FANK1: variants seen among roughly 807,000 people sequenced by gnomAD.
FANK1 encodes the protein fibronectin type III and ankyrin repeat domains 1.
A neutral mutation model predicts 45.3 loss-of-function variants in FANK1; 44 were observed. The observed-to-expected ratio is 0.97, with a 90% CI of 0.76 to 1.25. FANK1 has a LOEUF of 1.25. Among genes scored for constraint, FANK1 ranks in the 50% most tolerant of loss-of-function variants. FANK1 has a pLI of 0.00. For missense variants in FANK1, 391 were observed against 424.4 expected, an observed-to-expected ratio of 0.92 and a Z score of 0.69; for synonymous variants, 149 against 152.5, an observed-to-expected ratio of 0.98 and a Z score of 0.17.
chr10:125,903,752 C>A (rs1945250586), intron 1 of FANK1, among the ~76,000 whole-genome samples: 1 of 151,988 alleles, frequency 6.6e-6, no homozygotes, highest in Non-Finnish European at 1.5e-5. Context: ...AAGTAATTCA[C>A]CCTAAATTGA....
intron 1 of FANK1, among the ~76,000 whole-genome samples, chr10:125,949,612 A>C (rs958992712): frequency 0.017 from 2,435 of 141,582 alleles, 83 homozygotes; most frequent in African/African-American, 0.059. Flanking sequence ...AGGAAATAAA[A>C]GAGGATACAA....
At chr10:125,970,213 G>T (rs962218284) in intron 1 of FANK1, among the ~76,000 whole-genome samples, 1 of 151,900 alleles carries the variant, frequency 6.6e-6, no homozygotes, top group African/African-American at 2.4e-5. Flanking sequence ...GGGCAGAGGG[G>T]CCCCCCACCC....
chr10:125,937,914 G>A (rs1431918369), intron 1 of FANK1, among the ~76,000 whole-genome samples: 1 of 152,100 alleles, frequency 6.6e-6, no homozygotes, highest in East Asian at 1.9e-4. Context: ...CCACGCTAAT[G>A]TTGTACCGAT....
At chr10:125,966,191 A>C (rs181683119) in intron 1 of FANK1, among the ~76,000 whole-genome samples, 9 of 152,318 alleles carry the variant, frequency 5.9e-5, no homozygotes, top group African/African-American at 2.2e-4. Context: ...GAGGAAAGCA[A>C]CTTTTGGGCA....
chr10:125,948,822 G>A (rs1948999213), intron 1 of FANK1, among the ~76,000 whole-genome samples: 1 of 149,252 alleles, frequency 6.7e-6, no homozygotes, highest in Non-Finnish European at 1.5e-5. Flanking sequence ...CCAAAAAAGA[G>A]AATTTTAGAC....
chr10:126,003,157 G>C (rs924551299), intron 6 of FANK1, among the ~76,000 whole-genome samples: 1 of 149,860 alleles, frequency 6.7e-6, no homozygotes, highest in East Asian at 2.0e-4. Context: ...GAGCAGACCA[G>C]TTATCTTATA....
At chr10:125,940,908 T>C (rs1948414195) in intron 1 of FANK1, among the ~76,000 whole-genome samples, 1 of 152,234 alleles carries the variant, frequency 6.6e-6, no homozygotes, top group South Asian at 2.1e-4. Flanking sequence ...CCTTAAACCT[T>C]GATTCCACAC....
chr10:125,978,384 G>A (rs529256448), intron 1 of FANK1, among the ~76,000 whole-genome samples: 6 of 152,152 alleles, frequency 3.9e-5, no homozygotes, highest in East Asian at 1.9e-4. Flanking sequence ...GCCCCTGATC[G>A]CCTCGGATAC....
At chr10:125,924,228 TTGTC>T (rs1421659414) in intron 1 of FANK1, among the ~76,000 whole-genome samples, 10 of 152,330 alleles carry the variant, frequency 6.6e-5, no homozygotes, top group African/African-American at 2.4e-4. Context: ...AACTTGTTCT[TTGTC>T]TGATTTATTG....
chr10:125,942,262 A>G (rs576529461), intron 1 of FANK1, among the ~76,000 whole-genome samples: 1 of 152,350 alleles, frequency 6.6e-6, no homozygotes, highest in Non-Finnish European at 1.5e-5. Flanking sequence ...CTTGAACAAA[A>G]AGTCACAATT....
intron 1 of FANK1, among the ~76,000 whole-genome samples, chr10:125,965,120 A>C (rs373124605): frequency 1.3e-5 from 2 of 152,266 alleles, no homozygotes; most frequent in African/African-American, 4.8e-5. Flanking sequence ...CCAAGATTGC[A>C]CTCCAGCCTG....
At chr10:125,984,412 A>G (rs1289917356) in intron 2 of FANK1, among the ~76,000 whole-genome samples, 3 of 152,210 alleles carry the variant, frequency 2.0e-5, no homozygotes, top group Admixed American at 6.5e-5. Context: ...GGGGAGGTAG[A>G]TAGAATCCTT....
rs141450353 is a variant in FANK1 at position 125,999,133 on chromosome 10, A to G, written c.539+1648A>G. 2.8e-4 allele frequency among the ~76,000 whole-genome samples: 43 copies of G among 152,294 alleles called. No individual in the cohort carries two copies. The East Asian group carries it at 6.0e-3, about 21-fold the overall frequency. ...TTTCCATCAGTCGATTAAAGGTGAA[A>G]ACCTTTATTTGTGTAGATGCAAAAC... On this transcript the variant is annotated intron_variant, in intron 6 of 10. Transcript: ENST00000368693.
At chr10:126,008,924 C>T (rs1953442989) in intron 8 of FANK1, 130 bp from the exon 9 acceptor site, 24 of 815,396 alleles carry the variant, frequency 2.9e-5, no homozygotes, top group Middle Eastern at 3.7e-4. Flanking sequence ...GCAGGCCATG[C>T]AAAGCCACAG....
chr10:125,905,801 A>T (rs74571526), intron 1 of FANK1, among the ~76,000 whole-genome samples: 16,237 of 144,384 alleles, frequency 0.11, no homozygotes, highest in Middle Eastern at 0.15. Context: ...CTGCAGCCTG[A>T]AGTCCCAGCT....
chr10:125,909,950 A>G (rs1945857458), intron 1 of FANK1, among the ~76,000 whole-genome samples: 1 of 152,062 alleles, frequency 6.6e-6, no homozygotes, highest in African/African-American at 2.4e-5. Context: ...GTATTGAAGT[A>G]TAATATACCT....
intron 1 of FANK1, among the ~76,000 whole-genome samples, chr10:125,940,684 G>C (rs182720258): frequency 5.7e-4 from 87 of 152,220 alleles, no homozygotes; most frequent in Middle Eastern, 3.4e-3. Context: ...GGGATGGTCA[G>C]GTCTTTCCCT....
At position 125,979,461 on chromosome 10, in the gene FANK1, G is replaced by A. The variant is rs189372578; in HGVS notation, c.14-700G>A. ...ATGCTTCCATATTGCCCTCTAAAAA[G>A]GCGATAATTCATATTTCACTACAAC... On this transcript the variant is annotated intron_variant, in intron 1 of 10. Coordinates refer to ENST00000368693, the MANE Select transcript of FANK1 (RefSeq NM_145235.5). Among the ~76,000 whole-genome samples, 287 of 152,250 alleles carry A rather than the reference G, an allele frequency of 1.9e-3. 3 individuals carry two copies. Among genetic ancestry groups the A allele is most frequent in the African/African-American group, 6.4e-3 (266 of 41,528 alleles).
intron 1 of FANK1, among the ~76,000 whole-genome samples, chr10:125,979,642 C>T (rs547133431): frequency 6.6e-6 from 1 of 152,274 alleles, no homozygotes; most frequent in East Asian, 1.9e-4. Context: ...ATTACCTTGG[C>T]AATTTGTTTT....
Sources: allele counts gnomAD v4.1 joint callset (sites outside exome capture counted in the v4.1 genomes callset), GRCh38; gene constraint gnomAD v4.1.1; transcripts MANE v1.5; gene names NCBI Gene and HGNC (gene_info 2026-07-23, HGNC 2026-07-21).